TMEM232: variants seen among roughly 807,000 people sequenced by gnomAD.
TMEM232 encodes the protein transmembrane protein 232.
A neutral mutation model predicts 78.8 loss-of-function variants in TMEM232; 80 were observed. The observed-to-expected ratio is 1.01, with a 90% CI of 0.85 to 1.22. TMEM232 has a LOEUF of 1.22. Ranked by LOEUF, TMEM232 falls within the 50% of genes most tolerant of loss-of-function variation. The pLI is 0.00. For synonymous variants in TMEM232, 297 were observed against 254.3 expected, an observed-to-expected ratio of 1.17 and a Z score of -1.60; for missense variants, 881 against 742.2, an observed-to-expected ratio of 1.19 and a Z score of -2.17.
At chr5:110,617,199 T>G (rs1405490976) in intron 8 of TMEM232, among the ~76,000 whole-genome samples, 2 of 152,154 alleles carry the variant, frequency 1.3e-5, no homozygotes, top group African/African-American at 4.8e-5. Context: ...ATAACCTCAC[T>G]TCTATGTGGA....
At chr5:110,579,010 TC>T (rs1177747258) in intron 10 of TMEM232, among the ~76,000 whole-genome samples, 9 of 151,612 alleles carry the variant, frequency 5.9e-5, no homozygotes, top group Non-Finnish European at 1.2e-4. Flanking sequence ...GCCCAAAAGA[TC>T]TCAAATAAAA....
intron 11 of TMEM232, among the ~76,000 whole-genome samples, chr5:110,540,383 G>A (rs560527731): frequency 6.6e-6 from 1 of 152,210 alleles, no homozygotes; most frequent in Non-Finnish European, 1.5e-5. Flanking sequence ...AGAAATAAAA[G>A]GATACCTCTA....
chr5:110,480,817 T>C (rs1192657424), intron 12 of TMEM232, among the ~76,000 whole-genome samples: 1 of 152,120 alleles, frequency 6.6e-6, no homozygotes, highest in Admixed American at 6.6e-5. Flanking sequence ...CTTGTATTTA[T>C]ACAAGAAACA....
At chr5:110,613,495 C>A (rs1026583005) in intron 8 of TMEM232, among the ~76,000 whole-genome samples, 1 of 152,176 alleles carries the variant, frequency 6.6e-6, no homozygotes, top group South Asian at 2.1e-4. Context: ...CTGAAATGTA[C>A]GGCAAATGAA....
At chr5:110,728,363 T>C (rs1706164541), upstream of TMEM232, among the ~76,000 whole-genome samples, 2 of 151,898 alleles carry the variant, frequency 1.3e-5, no homozygotes, top group Non-Finnish European at 2.9e-5. Context: ...AAATTTGCCA[T>C]TTTAACTCAG....
At position 110,482,735 on chromosome 5, in the gene TMEM232, A is replaced by C. The variant is rs933687898; in HGVS notation, c.1703+45853T>G. 5.9e-5 allele frequency among the ~76,000 whole-genome samples: 9 copies of C among 151,844 alleles called. 1 individual carries two copies. The highest frequency in any genetic ancestry group is 1.2e-4 in the African/African-American group (5 of 41,280). On this transcript the variant is annotated intron_variant, in intron 12 of 13. Coordinates refer to ENST00000455884, the MANE Select transcript of TMEM232 (RefSeq NM_001039763.4). ...ATGAATGAGTAAAAATAAATAAAAG[A>C]AGCATCTAGCTAAATCATTAGAAAA...
At chr5:110,642,406 G>C in intron 2 of TMEM232, 35 bp from the exon 3 acceptor site, 1 of 1,419,588 alleles carries the variant, frequency 7.0e-7, no homozygotes, top group Non-Finnish European at 9.4e-7. Flanking sequence ...CATTTAAAAA[G>C]TATAGCTATC....
chr5:110,652,148 C>G (rs1163969202), intron 2 of TMEM232, among the ~76,000 whole-genome samples: 1 of 152,144 alleles, frequency 6.6e-6, no homozygotes, highest in Non-Finnish European at 1.5e-5. Flanking sequence ...TTGCATTTAG[C>G]TGTTTTTCTA....
intron 2 of TMEM232, among the ~76,000 whole-genome samples, chr5:110,646,370 A>G (rs1787475841): frequency 1.3e-5 from 2 of 151,876 alleles, no homozygotes. Context: ...CCGGCATAAA[A>G]AAAGACCTAA....
Position 110,667,345 on chromosome 5 carries a change from A to T in TMEM232, c.8T>A (p.Met3Lys). MNMPVNKSPMINT... is the reference protein window; with the variant it reads MNKPVNKSPMINT... ...AATCATAGGTGATTTGTTAACAGGC[A>T]TATTCATAAATCATAAATTCTAAAA... Residue 3 changes from methionine (M) to lysine (K), a missense_variant, in exon 2 of 14, where the codon ATG becomes AAG. By Grantham distance (95) the Met-to-Lys change is moderately conservative. Transcript: ENST00000455884. 1 of 1,506,996 alleles carries T rather than the reference A, an allele frequency of 6.6e-7. No individual in the cohort carries two copies. The highest frequency in any genetic ancestry group is 8.9e-7 in the Non-Finnish European group (1 of 1,123,558). The allele number at this position is 1,506,996 out of a possible 1,614,324, so 93.4% of individuals were successfully genotyped here.
intron 3 of TMEM232, among the ~76,000 whole-genome samples, chr5:110,390,858 T>C (rs938269108): frequency 6.6e-6 from 1 of 152,232 alleles, no homozygotes; most frequent in African/African-American, 2.4e-5. Context: ...AGAGAACGTG[T>C]GCTGACAGTG....
chr5:110,528,896 G>T, intron 11 of TMEM232, 61 bp from the exon 12 acceptor site: 1 of 1,222,824 alleles, frequency 8.2e-7, no homozygotes, highest in Non-Finnish European at 1.0e-6. Flanking sequence ...AAAAAAAATC[G>T]TGTATTATTA....
chr5:110,655,108 T>G (rs1283245848), intron 2 of TMEM232, among the ~76,000 whole-genome samples: 4 of 151,682 alleles, frequency 2.6e-5, no homozygotes, highest in African/African-American at 9.7e-5. Context: ...ACCATCAGAG[T>G]GAACAGGCAA....
At chr5:110,656,300 G>C (rs936631735) in intron 2 of TMEM232, among the ~76,000 whole-genome samples, 1 of 152,114 alleles carries the variant, frequency 6.6e-6, no homozygotes, top group African/African-American at 2.4e-5. Flanking sequence ...TATCTGCCAA[G>C]CTGGCCATTT....
At chr5:110,539,731 C>A (rs1017659294) in intron 11 of TMEM232, among the ~76,000 whole-genome samples, 4 of 152,120 alleles carry the variant, frequency 2.6e-5, no homozygotes, top group African/African-American at 9.7e-5. Context: ...GTAGCCCAAC[C>A]AAGGAAGCTT....
intron 11 of TMEM232, among the ~76,000 whole-genome samples, chr5:110,529,332 A>G (rs962952806): frequency 1.3e-5 from 2 of 151,844 alleles, no homozygotes; most frequent in African/African-American, 4.8e-5. Flanking sequence ...TGCAACCTCC[A>G]TCTCCTGGGT....
At chr5:110,631,682 T>C (rs1044015584) in intron 5 of TMEM232, among the ~76,000 whole-genome samples, 21 of 152,092 alleles carry the variant, frequency 1.4e-4, no homozygotes, top group African/African-American at 5.1e-4. Flanking sequence ...CTCCTTACCT[T>C]TATGTGTACC....
intron 12 of TMEM232, among the ~76,000 whole-genome samples, chr5:110,469,551 C>A (rs1331971082): frequency 1.3e-5 from 2 of 152,074 alleles, no homozygotes; most frequent in Non-Finnish European, 2.9e-5. Flanking sequence ...ACCATGGAAC[C>A]TGAGCTAAAG....
chr5:110,692,198 T>C (rs1041485547), intron 1 of TMEM232, among the ~76,000 whole-genome samples: 4 of 152,182 alleles, frequency 2.6e-5, no homozygotes, highest in East Asian at 1.9e-4. Flanking sequence ...GGCATTACAG[T>C]TGTCAGCCAC....
Sources: gnomAD v4.1 joint callset for allele counts (sites outside exome capture counted in the v4.1 genomes callset) on GRCh38, gnomAD v4.1.1 for gene constraint, MANE v1.5 for transcripts, NCBI Gene and HGNC (gene_info 2026-07-23, HGNC 2026-07-21) for gene names.